SYT1: variants seen among roughly 807,000 people sequenced by gnomAD.
SYT1 encodes the protein synaptotagmin 1, also known as synaptotagmin-1.
SYT1 carries 8 observed loss-of-function variants against 44.8 expected under a neutral mutation model. The ratio of observed to expected loss-of-function variants is 0.18; its 90% CI spans 0.10 to 0.32. SYT1 has a LOEUF of 0.32. Among genes scored for constraint, SYT1 ranks in the 10% least tolerant of loss-of-function variants. The probability of loss-of-function intolerance (pLI) is 1.00; values close to 1 mark genes in which losing one functional copy is unlikely to be tolerated. For synonymous variants in SYT1, 154 were observed against 188.8 expected (o/e 0.82, Z 1.51); for missense variants, 286 against 509.3 (o/e 0.56, Z 4.22).
intron 9 of SYT1, among the ~76,000 whole-genome samples, chr12:79,358,882 C>T (rs919051699): frequency 8.5e-5 from 13 of 152,136 alleles, no homozygotes; most frequent in African/African-American, 3.1e-4. Flanking sequence ...ACTGTAAACC[C>T]TTAAGGATAC....
At position 78,942,222 on chromosome 12, in the gene SYT1, T is replaced by C. The variant is rs150029688; in HGVS notation, c.-216-35577T>C. ...TCTTTATGTCCTTTAAAATTATTCA[T>C]TGAATCCTCCAAAACAACACATTAC... On this transcript the variant is annotated intron_variant, in intron 1 of 10. Transcript: ENST00000261205. Among the ~76,000 whole-genome samples, 1,139 of 152,342 alleles carry C rather than the reference T, an allele frequency of 7.5e-3. 14 individuals are homozygous for C. The highest frequency in any genetic ancestry group is 0.026 in the African/African-American group (1,082 of 41,578).
chr12:78,955,519 C>T (rs1048333485), intron 1 of SYT1: 1 of 152,040 alleles, frequency 6.6e-6, no homozygotes, highest in Non-Finnish European at 1.5e-5. Flanking sequence ...TGGTGAGAGC[C>T]CATTCCTTAT....
chr12:79,322,854 GAAAAAGTAAACCCAGT>G (rs1881430685), intron 8 of SYT1, among the ~76,000 whole-genome samples: 1 of 152,110 alleles, frequency 6.6e-6, no homozygotes, highest in African/African-American at 2.4e-5. Flanking sequence ...AATGTGGGAA[GAAAAAGTAAACCCAGT>G]AAGACCCTCC....
rs141343329 is a variant in SYT1 at position 79,278,084 on chromosome 12, T to C, written c.167-7703T>C. Among the ~76,000 whole-genome samples, 1,418 of 152,178 alleles carry C rather than the reference T, an allele frequency of 9.3e-3. 27 individuals are homozygous for C. Among genetic ancestry groups the C allele is most frequent in the African/African-American group, 0.033 (1,356 of 41,518 alleles). ...AATAAGGGAGAATTCAACAATCCAC[T>C]GACAGAAGTAGACAGATTGTCAAGG... On this transcript the variant is annotated intron_variant, in intron 4 of 10. Transcript: ENST00000261205.
intron 1 of SYT1, among the ~76,000 whole-genome samples, chr12:78,944,143 C>T (rs937053207): frequency 3.3e-5 from 5 of 151,372 alleles, no homozygotes; most frequent in East Asian, 3.9e-4. Flanking sequence ...AAGGAATATA[C>T]GCTAAAAGAT....
intron 1 of SYT1, among the ~76,000 whole-genome samples, chr12:78,931,111 G>A (rs1877608937): frequency 1.3e-5 from 2 of 148,784 alleles, no homozygotes; most frequent in South Asian, 4.2e-4. Context: ...GCAGTGAGCT[G>A]AGATCGCACC....
At chr12:79,026,038 T>C (rs1440699842) in intron 2 of SYT1, among the ~76,000 whole-genome samples, 1 of 151,706 alleles carries the variant, frequency 6.6e-6, no homozygotes, top group Non-Finnish European at 1.5e-5. Flanking sequence ...CATAATATTA[T>C]GATAAAGCAT....
At chr12:78,945,880 A>G (rs1878632307) in intron 1 of SYT1, among the ~76,000 whole-genome samples, 1 of 152,118 alleles carries the variant, frequency 6.6e-6, no homozygotes, top group South Asian at 2.1e-4. Flanking sequence ...TGGTTTTACC[A>G]CTTTTTCTAA....
intron 1 of SYT1, among the ~76,000 whole-genome samples, chr12:78,912,705 T>C (rs1032398419): frequency 6.6e-6 from 1 of 151,940 alleles, no homozygotes; most frequent in African/African-American, 2.4e-5. Flanking sequence ...ATGTTTTAAA[T>C]AAGTAAAATT....
chr12:78,878,145 TG>T (rs1874272742), intron 1 of SYT1, among the ~76,000 whole-genome samples: 2 of 151,258 alleles, frequency 1.3e-5, no homozygotes, highest in South Asian at 2.1e-4. Context: ...CTCTTTTTTG[TG>T]TGTGTGTGTG....
intron 1 of SYT1, among the ~76,000 whole-genome samples, chr12:78,907,421 T>C (rs1876053242): frequency 6.6e-6 from 1 of 151,966 alleles, no homozygotes. Flanking sequence ...TAAATAGATT[T>C]ATGTATAAAT....
chr12:79,006,981 G>C (rs931375859), intron 2 of SYT1, among the ~76,000 whole-genome samples: 1 of 152,036 alleles, frequency 6.6e-6, no homozygotes, highest in African/African-American at 2.4e-5. Flanking sequence ...AAAGAAGTAG[G>C]TCTGTATCCT....
At chr12:79,326,164 A>G (rs1401762183) in intron 8 of SYT1, among the ~76,000 whole-genome samples, 1 of 152,238 alleles carries the variant, frequency 6.6e-6, no homozygotes, top group African/African-American at 2.4e-5. Flanking sequence ...CTGACTTTTT[A>G]CAATATCTAG....
At chr12:79,282,521 A>G (rs1879104002) in intron 4 of SYT1, among the ~76,000 whole-genome samples, 2 of 152,196 alleles carry the variant, frequency 1.3e-5, no homozygotes, top group South Asian at 4.1e-4. Flanking sequence ...GGTAGCAATA[A>G]CAATAAACTG....
intron 3 of SYT1, among the ~76,000 whole-genome samples, chr12:79,123,558 A>T (rs7972277): frequency 0.11 from 16,128 of 152,152 alleles, 2,753 homozygotes; most frequent in African/African-American, 0.36. Flanking sequence ...GCATTCTTGT[A>T]TTGAAAGCAG....
chr12:79,105,605 G>A (rs143516513), intron 3 of SYT1, among the ~76,000 whole-genome samples: 2,238 of 152,282 alleles, frequency 0.015, 53 homozygotes, highest in African/African-American at 0.051. Context: ...GTTTGGCCGG[G>A]CGTGGTGGCT....
At chr12:78,968,795 A>T (rs1868307537) in intron 1 of SYT1, among the ~76,000 whole-genome samples, 1 of 152,186 alleles carries the variant, frequency 6.6e-6, no homozygotes, top group South Asian at 2.1e-4. Context: ...ATCTAAGCTC[A>T]GGCATGAAAA....
intron 8 of SYT1, among the ~76,000 whole-genome samples, chr12:79,310,583 T>C (rs1320554867): frequency 6.6e-6 from 1 of 152,224 alleles, no homozygotes; most frequent in African/African-American, 2.4e-5. Context: ...GGAATGGCAT[T>C]GAATCTATAA....
intron 2 of SYT1, among the ~76,000 whole-genome samples, chr12:78,981,001 G>A (rs1236075897): frequency 6.6e-6 from 1 of 151,906 alleles, no homozygotes; most frequent in South Asian, 2.1e-4. Flanking sequence ...GTGGCCAACA[G>A]CATTGAACTA....
Sources: gnomAD v4.1 joint callset for allele counts (sites outside exome capture counted in the v4.1 genomes callset) on GRCh38, gnomAD v4.1.1 for gene constraint, MANE v1.5 for transcripts, NCBI Gene and HGNC (gene_info 2026-07-23, HGNC 2026-07-21) for gene names.